MAGI3: variants seen among roughly 807,000 people sequenced by gnomAD.
MAGI3 encodes the protein membrane associated guanylate kinase, WW and PDZ domain containing 3.
Under a neutral mutation model 121.8 loss-of-function variants are expected in MAGI3, and 43 were observed. The ratio of observed to expected loss-of-function variants is 0.35; its 90% CI spans 0.28 to 0.46. The LOEUF (loss-of-function observed/expected upper bound fraction) is 0.46, where lower values mean the gene tolerates loss of function less well. MAGI3 is among the 20% of genes least tolerant of loss of function. The probability of loss-of-function intolerance (pLI) is 1.00; values close to 1 mark genes in which losing one functional copy is unlikely to be tolerated. For synonymous variants in MAGI3, 553 were observed against 639.3 expected, an observed-to-expected ratio of 0.86 and a Z score of 2.04; for missense variants, 1,547 against 1,797.3, an observed-to-expected ratio of 0.86 and a Z score of 2.52.
In MAGI3 at chr1:113,643,199, A is replaced by G. The variant is rs895726993; in HGVS notation, c.1967-544A>G. On this transcript the variant is annotated intron_variant, in intron 10 of 20. Transcript: ENST00000307546. ...TTTTAATATGCTTTCTTAAATCCAT[A>G]CTTATAAGTGACTAGTATCTTAAAG... 4.6e-5 allele frequency among the ~76,000 whole-genome samples: 7 copies of G among 152,228 alleles called. No homozygotes were observed. The South Asian group carries it at 1.4e-3, about 31-fold the overall frequency.
intron 1 of MAGI3, among the ~76,000 whole-genome samples, chr1:113,540,336 T>C (rs1277559530): frequency 6.6e-6 from 1 of 152,176 alleles, no homozygotes; most frequent in Non-Finnish European, 1.5e-5. Context: ...ATGCTTAAGA[T>C]CCAGTGAGGG....
At chr1:113,677,260 TTAAG>T (rs1647929314) in intron 19 of MAGI3, among the ~76,000 whole-genome samples, 1 of 152,308 alleles carries the variant, frequency 6.6e-6, no homozygotes, top group East Asian at 1.9e-4. Flanking sequence ...TTAGAAAATA[TTAAG>T]TGTTTGCTGT....
In MAGI3 at chr1:113,422,110, A is replaced by G. The variant is rs1017618563; in HGVS notation, c.316+30761A>G. Among the ~76,000 whole-genome samples the G allele has an allele frequency of 6.6e-6, 1 of 152,072 alleles. No homozygotes were observed. Among genetic ancestry groups the G allele is most frequent in the Non-Finnish European group, 1.5e-5 (1 of 67,988 alleles). On this transcript the variant is annotated intron_variant, in intron 1 of 20. Coordinates refer to ENST00000307546, the MANE Select transcript of MAGI3 (RefSeq NM_001142782.2). The surrounding 1 kb of genome is among the most constrained non-coding windows in gnomAD (Gnocchi z 4.3). ...GCTTAGATAGCAATTCTTGTTTTTT[A>G]TTTAATTGGAACTTTTATTGAGCTA...
chr1:113,528,897 A>C (rs2101637027), intron 1 of MAGI3, among the ~76,000 whole-genome samples: 1 of 152,348 alleles, frequency 6.6e-6, no homozygotes, highest in East Asian at 1.9e-4. Context: ...GTAAGTCAGA[A>C]TACTATGTTC....
intron 5 of MAGI3, among the ~76,000 whole-genome samples, chr1:113,591,755 T>C (rs1469006094): frequency 6.6e-6 from 1 of 152,192 alleles, no homozygotes; most frequent in Non-Finnish European, 1.5e-5. Flanking sequence ...ACTTTCATGC[T>C]GACTTTAGAA....
At chr1:113,564,206 T>C (rs1660346062) in intron 2 of MAGI3, among the ~76,000 whole-genome samples, 1 of 152,226 alleles carries the variant, frequency 6.6e-6, no homozygotes, top group African/African-American at 2.4e-5. Flanking sequence ...TTGGTTGTCT[T>C]GGCTGATCTT....
chr1:113,649,411 G>GTT, intron 13 of MAGI3, 83 bp downstream of exon 13: 1 of 882,192 alleles, frequency 1.1e-6, no homozygotes, highest in Non-Finnish European at 1.7e-6. Flanking sequence ...TGTGTTTTAA[G>GTT]TTTTTTTTTC....
At chr1:113,454,005 A>G (rs923528878) in intron 1 of MAGI3, among the ~76,000 whole-genome samples, 3 of 152,342 alleles carry the variant, frequency 2.0e-5, no homozygotes, top group South Asian at 2.1e-4. Context: ...ACCCTTTTCT[A>G]TATTAAACAT....
At position 113,658,976 on chromosome 1, in the gene MAGI3, A is replaced by C. The variant is rs1029444995; in HGVS notation, c.2630-104A>C. The stretch of plus-strand genomic sequence containing the variant: ...GTACTTTTCTGTTATGTTTTTAAAT[A>C]ATTTTCTTTGATGTTATGTTGAATT... On this transcript the variant is annotated intron_variant, in intron 15 of 20. Transcript: ENST00000307546. This position sits in a 1 kb window ranked among gnomAD's most constrained non-coding sequence, Gnocchi z 4.0. 1 of 950,786 alleles carries C rather than the reference A, an allele frequency of 1.1e-6. No individual in the cohort carries two copies. Among genetic ancestry groups the C allele is most frequent in the African/African-American group, 1.6e-5 (1 of 60,916 alleles). 58.9% of individuals were successfully genotyped at this position (950,786 alleles called of 1,614,324 possible).
At position 113,437,776 on chromosome 1, in the gene MAGI3, T is replaced by C. The variant is rs1043669652; in HGVS notation, c.316+46427T>C. Among the ~76,000 whole-genome samples, 6 of 151,184 alleles carry C rather than the reference T, an allele frequency of 4.0e-5. 1 individual carries two copies. The South Asian group carries it at 1.3e-3, about 32-fold the overall frequency. ...TTCTTCATTTTTCTTTCTTCTTCCT[T>C]CTTTCTTCTTCTTCCTTCTTCTTTC... On this transcript the variant is annotated intron_variant, in intron 1 of 20. Coordinates refer to ENST00000307546, the MANE Select transcript of MAGI3 (RefSeq NM_001142782.2).
chr1:113,669,948 A>G (rs1285754870), intron 16 of MAGI3, among the ~76,000 whole-genome samples: 2 of 150,998 alleles, frequency 1.3e-5, no homozygotes, highest in African/African-American at 4.9e-5. Context: ...AAAGTTACTC[A>G]AGAAAAATAA....
rs570288923 is a variant in MAGI3, at chr1:113,391,213, C to T, written c.180C>T (p.Val60=). The change falls in exon 1 of 21, where the codon GTC becomes GTT. Residue 60 remains valine (V), a synonymous_variant. Transcript: ENST00000307546. This position sits in a 1 kb window ranked among gnomAD's most constrained non-coding sequence, Gnocchi z 4.4. ...CCGGCGGGGGCACCTGCTGCGTCGT[C>T]TCGGGCAAGGCGCCCAGCCCAGGCG... ...EEPGGGTCCV[V]SGKAPSPGDV... is the part of the protein sequence containing the mutation. 3 of 1,555,494 alleles carry T rather than the reference C, an allele frequency of 1.9e-6. No homozygotes were observed. In the African/African-American group the frequency reaches 4.1e-5, roughly 21 times the overall value.
In MAGI3 at chr1:113,412,572, G is replaced by C. The variant is rs369490934; in HGVS notation, c.316+21223G>C. 5.9e-5 allele frequency among the ~76,000 whole-genome samples: 9 copies of C among 152,218 alleles called. No homozygotes were observed. In the East Asian group the frequency reaches 1.4e-3, roughly 23 times the overall value. ...TTTTTAATGATTGCCATTCTAACTG[G>C]CATGAGATGGTATCTCATTCTGGTT... is the stretch of plus-strand genomic sequence containing the variant. On this transcript the variant is annotated intron_variant, in intron 1 of 20. Transcript: ENST00000307546.
chr1:113,405,181 C>G (rs1263262764), intron 1 of MAGI3, among the ~76,000 whole-genome samples: 1 of 151,952 alleles, frequency 6.6e-6, no homozygotes, highest in Non-Finnish European at 1.5e-5. Flanking sequence ...ACATTTTACA[C>G]TAGAATAAGA....
intron 1 of MAGI3, among the ~76,000 whole-genome samples, chr1:113,452,479 C>CACAG (rs1654534003): frequency 6.6e-6 from 1 of 151,842 alleles, no homozygotes; most frequent in African/African-American, 2.4e-5. Flanking sequence ...CACACACACA[C>CACAG]ACACACACAC....
At chr1:113,452,031 C>G (rs1033925535) in intron 1 of MAGI3, among the ~76,000 whole-genome samples, 3 of 152,114 alleles carry the variant, frequency 2.0e-5, no homozygotes, top group Admixed American at 6.5e-5. Context: ...CTGAAATGAC[C>G]ACTTTTTGCT....
At chr1:113,534,809 T>G (rs1212065511) in intron 1 of MAGI3, among the ~76,000 whole-genome samples, 5 of 152,210 alleles carry the variant, frequency 3.3e-5, no homozygotes, top group Admixed American at 3.3e-4. Flanking sequence ...GTGATTTTTT[T>G]TTCTTTTTTA....
chr1:113,399,881 C>T (rs1651311379), intron 1 of MAGI3, among the ~76,000 whole-genome samples: 1 of 152,016 alleles, frequency 6.6e-6, no homozygotes, highest in African/African-American at 2.4e-5. Flanking sequence ...AATTACTTTC[C>T]AAGGTGTTTT....
At chr1:113,457,031 A>G (rs1034428614) in intron 1 of MAGI3, among the ~76,000 whole-genome samples, 1 of 152,220 alleles carries the variant, frequency 6.6e-6, no homozygotes, top group African/African-American at 2.4e-5. Flanking sequence ...ATGAATTAAT[A>G]TGAGAGTTGA....
Sources: gnomAD v4.1 joint callset for allele counts (sites outside exome capture counted in the v4.1 genomes callset) on GRCh38, gnomAD v4.1.1 for gene constraint, Gnocchi (gnomAD v3.1) non-coding constraint, MANE v1.5 for transcripts, NCBI Gene and HGNC (gene_info 2026-07-23, HGNC 2026-07-21) for gene names.